The following OGDH variants were observed in gnomAD, a reference collection of about 807,000 sequenced individuals.
OGDH encodes the protein oxoglutarate dehydrogenase.
Under a neutral mutation model 116.6 loss-of-function variants are expected in OGDH, and 38 were observed. The observed-to-expected ratio is 0.33, with a 90% CI of 0.25 to 0.43. The LOEUF (loss-of-function observed/expected upper bound fraction) is 0.43. Ranked by LOEUF, OGDH falls within the 20% of genes least tolerant of loss-of-function variation. OGDH has a pLI of 1.00. For missense variants in OGDH, 825 were observed against 1,357.2 expected, an observed-to-expected ratio of 0.61 and a Z score of 6.16; for synonymous variants, 488 against 533.3, an observed-to-expected ratio of 0.92 and a Z score of 1.17.
chr7:44,676,325 G>T (rs1365603091), intron 9 of OGDH, 176 bp downstream of exon 9: 2 of 1,422,100 alleles, frequency 1.4e-6, no homozygotes, highest in South Asian at 1.4e-5. Flanking sequence ...GGAGGCCGAG[G>T]TGGGCAGATC....
chr7:44,607,809 C>A (rs1022402345), intron 1 of OGDH, among the ~76,000 whole-genome samples: 3 of 152,126 alleles, frequency 2.0e-5, no homozygotes, highest in African/African-American at 7.2e-5. Flanking sequence ...TCAAGTGATT[C>A]TCCTGCCTCA....
rs556338651 is a variant in OGDH, at chr7:44,697,190, C to T, written c.2051+126C>T. The T allele has an allele frequency of 1.4e-6, 2 of 1,469,196 alleles. No individual in the cohort carries two copies. Among genetic ancestry groups the T allele is most frequent in the Non-Finnish European group, 1.8e-6 (2 of 1,081,424 alleles). 91.0% of individuals were successfully genotyped at this position (1,469,196 alleles called of 1,614,324 possible). ...GTCACATTGCTCTCAGGCTGAAAAC[C>T]TCTGTCCCTCATTTGCTATGGGTGC... is the stretch of plus-strand genomic sequence containing the variant. On this transcript the variant is annotated intron_variant, in intron 15 of 22. Transcript: ENST00000222673. The surrounding 1 kb of genome is among the most constrained non-coding windows in gnomAD (Gnocchi z 6.0).
At chr7:44,704,620 T>C (rs1417690255) in intron 20 of OGDH, among the ~76,000 whole-genome samples, 2 of 152,174 alleles carry the variant, frequency 1.3e-5, no homozygotes, top group Admixed American at 1.3e-4. Flanking sequence ...AAATATAATT[T>C]GCAAATATTT....
At chr7:44,678,949 A>G (rs902343751) in intron 9 of OGDH, among the ~76,000 whole-genome samples, 3 of 152,190 alleles carry the variant, frequency 2.0e-5, no homozygotes. Context: ...CTCAGTGCTA[A>G]TATGGCCTTT....
At chr7:44,702,131 T>C (rs895729565) in intron 20 of OGDH, among the ~76,000 whole-genome samples, 3 of 151,370 alleles carry the variant, frequency 2.0e-5, no homozygotes, top group Admixed American at 6.6e-5. Flanking sequence ...TACATTCACG[T>C]TGGTCAAATG....
At chr7:44,650,802 A>G (rs1467350048) in intron 4 of OGDH, among the ~76,000 whole-genome samples, 3 of 152,202 alleles carry the variant, frequency 2.0e-5, no homozygotes, top group Non-Finnish European at 4.4e-5. Flanking sequence ...GATAGGCTGA[A>G]TGGCAACCTG....
Position 44,656,303 on chromosome 7 carries a change from C to A in OGDH, c.517+8544C>A, listed in dbSNP as rs746668896. 2.0e-6 allele frequency: 3 copies of A among 1,535,754 alleles called. No homozygotes were observed. In the African/African-American group the frequency reaches 4.1e-5, roughly 21 times the overall value. ...CCTTCTGCGCTCACCCATGATACCC[C>A]ACTCTGCCTCTCAGATCTTGCAGTT... On this transcript the variant is annotated intron_variant, in intron 4 of 22. Coordinates refer to ENST00000222673, the MANE Select transcript of OGDH (RefSeq NM_002541.4).
At chr7:44,643,852 G>T (rs529882191) in intron 2 of OGDH, among the ~76,000 whole-genome samples, 2 of 152,276 alleles carry the variant, frequency 1.3e-5, no homozygotes, top group African/African-American at 4.8e-5. Flanking sequence ...ATTGATGGAA[G>T]AATTTTAGAG....
chr7:44,650,334 C>T (rs1786382576), intron 4 of OGDH, among the ~76,000 whole-genome samples: 3 of 152,102 alleles, frequency 2.0e-5, no homozygotes, highest in East Asian at 1.9e-4. Context: ...CTCAGAGAGC[C>T]GGGACTCTGG....
In OGDH at chr7:44,708,185, C is replaced by A; in HGVS notation, c.*186C>A. ...CTCCAGTGCTTGGCTGCCCCACAGGCCACACGCTGCCCAGGCTCTGCTGAC... is the reference window on the plus strand; with the variant it reads ...CTCCAGTGCTTGGCTGCCCCACAGGACACACGCTGCCCAGGCTCTGCTGAC... On this transcript the variant is annotated 3_prime_UTR_variant, in exon 23 of 23. Transcript: ENST00000222673. The A allele has an allele frequency of 1.3e-6, 1 of 744,484 alleles. No individual in the cohort carries two copies. The allele number at this position is 744,484 out of a possible 1,614,324, so 46.1% of individuals were successfully genotyped here.
chr7:44,700,522 A>G (rs972271063), intron 19 of OGDH, among the ~76,000 whole-genome samples: 1 of 152,142 alleles, frequency 6.6e-6, no homozygotes, highest in African/African-American at 2.4e-5. Flanking sequence ...GAGCAATCAC[A>G]TAGGCTGCAG....
At chr7:44,650,002 C>T (rs1220152288) in intron 4 of OGDH, among the ~76,000 whole-genome samples, 1 of 152,058 alleles carries the variant, frequency 6.6e-6, no homozygotes, top group African/African-American at 2.4e-5. Context: ...TCCTGAAATC[C>T]TTTGAGGAGG....
In OGDH at chr7:44,707,999, G is replaced by T; in HGVS notation, c.3072G>T (p.Ter1024TyrextTer25). 6.2e-7 allele frequency: 1 copy of T among 1,612,660 alleles called. No individual in the cohort carries two copies. The highest frequency in any genetic ancestry group is 8.5e-7 in the Non-Finnish European group (1 of 1,179,790). ...TGGACGTCTTCAAGAACTTCTCGTA[G>T]ATGCTGCCTAGGGTTGCTTGGGCCA... ...FDLDVFKNFS[*>Y] Residue 1024 changes from the stop codon to tyrosine, a stop_lost, in exon 23 of 23, where the codon TAG (stop) becomes TAT (tyrosine). Coordinates refer to ENST00000222673, the MANE Select transcript of OGDH (RefSeq NM_002541.4). The surrounding 1 kb of genome is among the most constrained non-coding windows in gnomAD (Gnocchi z 5.2).
At chr7:44,673,106 T>G (rs557724318) in intron 5 of OGDH, among the ~76,000 whole-genome samples, 2 of 152,188 alleles carry the variant, frequency 1.3e-5, no homozygotes, top group South Asian at 2.1e-4. Flanking sequence ...ATCCTGACTT[T>G]TGTCTTATGG....
intron 1 of OGDH, among the ~76,000 whole-genome samples, chr7:44,623,993 A>G (rs1785102314): frequency 6.6e-6 from 1 of 151,858 alleles, no homozygotes; most frequent in Non-Finnish European, 1.5e-5. Flanking sequence ...CTGTGCACTC[A>G]CCTTCCTTGG....
intron 9 of OGDH, among the ~76,000 whole-genome samples, chr7:44,678,310 T>G (rs1190867608): frequency 6.6e-6 from 1 of 152,132 alleles, no homozygotes; most frequent in East Asian, 1.9e-4. Flanking sequence ...CGCCCAGGCA[T>G]TTGGGCTGAG....
intron 3 of OGDH, 53 bp from the exon 4 acceptor site, chr7:44,647,604 T>C: frequency 6.3e-7 from 1 of 1,592,888 alleles, no homozygotes; most frequent in South Asian, 1.1e-5. Flanking sequence ...CCTCTTTTTT[T>C]TTCTTCTGTC....
At chr7:44,653,334 T>G (rs117791649) in intron 4 of OGDH, among the ~76,000 whole-genome samples, 1,949 of 151,948 alleles carry the variant, frequency 0.013, 21 homozygotes, top group Non-Finnish European at 0.02. Flanking sequence ...CTCAAGTGAG[T>G]CGCCCGTCTC....
intron 1 of OGDH, among the ~76,000 whole-genome samples, chr7:44,617,199 C>G (rs1400779005): frequency 6.6e-6 from 1 of 151,896 alleles, no homozygotes; most frequent in Non-Finnish European, 1.5e-5. Flanking sequence ...TCCCAAAGTG[C>G]TGGGATTACA....
Sources: gnomAD v4.1 joint callset for allele counts (sites outside exome capture counted in the v4.1 genomes callset) on GRCh38, gnomAD v4.1.1 for gene constraint, Gnocchi (gnomAD v3.1) non-coding constraint, MANE v1.5 for transcripts, NCBI Gene and HGNC (gene_info 2026-07-23, HGNC 2026-07-21) for gene names.